The following POLD3 variants were observed in gnomAD, a reference collection of about 807,000 sequenced individuals.
POLD3 encodes the protein DNA polymerase delta 3, accessory subunit.
In POLD3, 19 loss-of-function variants were observed where a neutral mutation model predicts 58.2. The ratio of observed to expected loss-of-function variants is 0.33; its 90% CI spans 0.23 to 0.48. The LOEUF (loss-of-function observed/expected upper bound fraction) is 0.48. Ranked by LOEUF, POLD3 falls within the 20% of genes least tolerant of loss-of-function variation. The pLI is 0.99. For synonymous variants in POLD3, 172 were observed against 193.5 expected (o/e 0.89, Z 0.92); for missense variants, 504 against 545.5 (o/e 0.92, Z 0.76).
In POLD3 at chr11:74,632,170, G is replaced by T. The variant is rs188404646; in HGVS notation, c.1007-2413G>T. Among the ~76,000 whole-genome samples the T allele has an allele frequency of 2.8e-3, 423 of 152,280 alleles. 1 individual carries two copies. Among genetic ancestry groups the T allele is most frequent in the South Asian group, 8.3e-3 (40 of 4,832 alleles). ...AAATGATCCCCATTTTTAGGTAAAGGTAGGTATTTTTAAAAAATAGTCCTA... is the reference window on the plus strand; with the variant it reads ...AAATGATCCCCATTTTTAGGTAAAGTTAGGTATTTTTAAAAAATAGTCCTA... On this transcript the variant is annotated intron_variant, in intron 9 of 11. Transcript: ENST00000263681.
chr11:74,596,159 G>T lies in POLD3; in HGVS notation c.116+2043G>T, dbSNP rs1433867881. Among the ~76,000 whole-genome samples, 5 of 148,916 alleles carry T rather than the reference G, an allele frequency of 3.4e-5. No homozygotes were observed. In the Admixed American group the frequency reaches 3.4e-4, roughly 10 times the overall value. The stretch of plus-strand genomic sequence containing the variant: ...TGGGATTACAGATACAAGCCACTGT[G>T]CCCGGCCTAAGAAGATTTTTTTTTT... On this transcript the variant is annotated intron_variant, in intron 2 of 11. Coordinates refer to ENST00000263681, the MANE Select transcript of POLD3 (RefSeq NM_006591.3).
chr11:74,632,756 CAGTGTTTCTCTCAGGG>C (rs1206947921), intron 9 of POLD3, among the ~76,000 whole-genome samples: 1 of 152,078 alleles, frequency 6.6e-6, no homozygotes, highest in Non-Finnish European at 1.5e-5. Flanking sequence ...TTATTATCAA[CAGTGTTTCTCTCAGGG>C]AGTGTGTGGA....
chr11:74,622,807 A>G (rs2032306394), intron 7 of POLD3, among the ~76,000 whole-genome samples: 1 of 152,250 alleles, frequency 6.6e-6, no homozygotes, highest in Admixed American at 6.5e-5. Context: ...AGTTAAACAT[A>G]GAGTTTACCC....
intron 7 of POLD3, among the ~76,000 whole-genome samples, chr11:74,620,296 T>C (rs546972175): frequency 5.9e-5 from 9 of 152,300 alleles, no homozygotes; most frequent in African/African-American, 1.9e-4. Context: ...TGAGATCTCT[T>C]TGAGAGCAGT....
At position 74,592,597 on chromosome 11, in the gene POLD3, C is replaced by A; in HGVS notation, c.-62C>A. 2.5e-6 allele frequency: 4 copies of A among 1,599,794 alleles called. No individual in the cohort carries two copies. In the South Asian group the frequency reaches 3.3e-5, roughly 13 times the overall value. Reference sequence around the variant, plus strand: ...GGGAGGGAGCAAAGACGTTTCCCGCCGGCGGGAGCTGTGGCTGTGATTGAG... The same window carrying A: ...GGGAGGGAGCAAAGACGTTTCCCGCAGGCGGGAGCTGTGGCTGTGATTGAG... On this transcript the variant is annotated 5_prime_UTR_variant, in exon 1 of 12. Transcript: ENST00000263681.
chr11:74,644,481 CA>C (rs2032976095), downstream of POLD3, among the ~76,000 whole-genome samples: 1 of 152,192 alleles, frequency 6.6e-6, no homozygotes, highest in Non-Finnish European at 1.5e-5. Context: ...ACATTGTACC[CA>C]AATGACTGCA....
intron 4 of POLD3, among the ~76,000 whole-genome samples, chr11:74,660,185 C>T (rs1300273714): frequency 1.3e-5 from 2 of 152,128 alleles, no homozygotes; most frequent in African/African-American, 4.8e-5. Flanking sequence ...GTGAGACTTA[C>T]TCACTATCAT....
At chr11:74,611,607 C>T in intron 4 of POLD3, 69 bp downstream of exon 4, 2 of 795,262 alleles carry the variant, frequency 2.5e-6, no homozygotes, top group Admixed American at 2.3e-5. Context: ...AAAAAATCTG[C>T]CTCTAACATC....
intron 7 of POLD3, among the ~76,000 whole-genome samples, chr11:74,620,784 A>AT (rs556968845): frequency 6.6e-6 from 1 of 152,238 alleles, no homozygotes; most frequent in Non-Finnish European, 1.5e-5. Flanking sequence ...CAGGATAATT[A>AT]TGGCACACTT....
chr11:74,646,007 C>T (rs1264184847), downstream of POLD3, among the ~76,000 whole-genome samples: 2 of 151,748 alleles, frequency 1.3e-5, no homozygotes, highest in East Asian at 1.9e-4. Flanking sequence ...GGCACAATCT[C>T]GGCTCACTGC....
At chr11:74,667,504 TG>T (rs1208988063) in intron 4 of POLD3, among the ~76,000 whole-genome samples, 1 of 152,288 alleles carries the variant, frequency 6.6e-6, no homozygotes, top group African/African-American at 2.4e-5. Context: ...CACTCCAACC[TG>T]GGCGACAGAG....
Position 74,592,738 on chromosome 11 carries a change from G to A in POLD3, c.60+20G>A, listed in dbSNP as rs372753517. 4.2e-5 allele frequency: 67 copies of A among 1,613,714 alleles called. 1 individual carries two copies. Among genetic ancestry groups the A allele is most frequent in the Admixed American group, 2.5e-4 (15 of 59,992 alleles). ...AAGATCGTGAGCAGCTACTACTGGG[G>A]AACGCGGGCGTGCGACCGGGGTCCT... is the stretch of plus-strand genomic sequence containing the variant. On this transcript the variant is annotated intron_variant, in intron 1 of 11. Transcript: ENST00000263681.
chr11:74,645,910 A>G (rs2032992860), downstream of POLD3, among the ~76,000 whole-genome samples: 1 of 151,522 alleles, frequency 6.6e-6, no homozygotes, highest in African/African-American at 2.4e-5. Context: ...GTATTAGTTC[A>G]TACTTCCATA....
At chr11:74,620,230 C>A in intron 7 of POLD3, 141 bp downstream of exon 7, 1 of 656,896 alleles carries the variant, frequency 1.5e-6, no homozygotes, top group Non-Finnish European at 2.7e-6. Context: ...AGTGTACTGC[C>A]CAATATATTG....
At position 74,609,364 on chromosome 11, in the gene POLD3, ATATATATATTTTTTTT is replaced by A. The variant is rs1447919803; in HGVS notation, c.220-2133_220-2118del. 1.7e-3 allele frequency among the ~76,000 whole-genome samples: 73 copies of A among 43,128 alleles called. 1 individual carries two copies. The highest frequency in any genetic ancestry group is 6.0e-3 in the East Asian group (12 of 1,992). The allele number at this position is 43,128 out of a possible 152,430, so 28.3% of individuals were successfully genotyped here. The stretch of plus-strand genomic sequence containing the variant: ...GTTTTTGATATATATATATATATAT[ATATATATATTTTTTTT>A]TTTTTTTTTTTTTTTTTTGAGATGG... On this transcript the variant is annotated intron_variant, in intron 3 of 11. Coordinates refer to ENST00000263681, the MANE Select transcript of POLD3 (RefSeq NM_006591.3).
At chr11:74,668,902 T>G in exon 5 of POLD3, 1 of 682,644 alleles carries the variant, frequency 1.5e-6, no homozygotes, top group South Asian at 1.7e-5. Flanking sequence ...GATTTAGGAG[T>G]CACTGACTTA....
At position 74,618,642 on chromosome 11, in the gene POLD3, ACAAG is replaced by A; in HGVS notation, c.500_503del (p.Gln167ProfsTer5). On this transcript the variant is annotated frameshift_variant, in exon 6 of 12. Coordinates refer to ENST00000263681, the MANE Select transcript of POLD3 (RefSeq NM_006591.3). LOFTEE classifies it high-confidence loss of function. ...CACATCTTCACATGTCAAGTGAGAC[ACAAG>A]CCAACAATGAGCTGACCACCAATGG... The A allele has an allele frequency of 6.2e-7, 1 of 1,614,198 alleles. No homozygotes were observed. Among genetic ancestry groups the A allele is most frequent in the Non-Finnish European group, 8.5e-7 (1 of 1,180,026 alleles).
chr11:74,648,617 A>C lies in POLD3; in HGVS notation c.369+12342A>C, dbSNP rs187199585. Among the ~76,000 whole-genome samples the C allele has an allele frequency of 5.9e-5, 9 of 152,360 alleles. No individual in the cohort carries two copies. In the East Asian group the frequency reaches 1.5e-3, roughly 26 times the overall value. ...ATACAAAGGCATGGACACACAAGAAAGCACAGACTGTTTAGAGAGTTGTAA... is the reference window on the plus strand; with the variant it reads ...ATACAAAGGCATGGACACACAAGAACGCACAGACTGTTTAGAGAGTTGTAA... On this transcript the variant is annotated intron_variant, in intron 4 of 4. Transcript: ENST00000524752.
chr11:74,643,400 A>AT (rs1430538455), downstream of POLD3, among the ~76,000 whole-genome samples: 1 of 152,222 alleles, frequency 6.6e-6, no homozygotes, highest in Non-Finnish European at 1.5e-5. Context: ...ACTAGAGGAT[A>AT]TAATAGAAAC....
Sources: gnomAD v4.1 joint callset for allele counts (sites outside exome capture counted in the v4.1 genomes callset) on GRCh38, gnomAD v4.1.1 for gene constraint, MANE v1.5 for transcripts, NCBI Gene and HGNC (gene_info 2026-07-23, HGNC 2026-07-21) for gene names.